Variants in POMT1 observed in about 807,000 individuals in gnomAD.
The protein encoded by POMT1 is protein O-mannosyltransferase 1, also known as protein O-mannosyl-transferase 1.
In POMT1, 85 loss-of-function variants were observed where a neutral mutation model predicts 101.6. The observed-to-expected ratio is 0.84, with a 90% confidence interval of 0.70 to 1.00. The LOEUF is 1.00. Among genes scored for constraint, POMT1 ranks in the 50% least tolerant of loss-of-function variants. POMT1 has a pLI of 0.00. For synonymous variants in POMT1, 371 were observed against 383.0 expected, an observed-to-expected ratio of 0.97 and a Z score of 0.37; for missense variants, 857 against 930.4, an observed-to-expected ratio of 0.92 and a Z score of 1.03.
chr9:131,510,856 G>A (rs980340335), intron 9 of POMT1: 90 of 334,576 alleles, frequency 2.7e-4, no homozygotes, highest in Admixed American at 2.4e-3. Context: ...AGTTTCACCC[G>A]CCTTAAGGAC....
At chr9:131,510,658 C>T in intron 9 of POMT1, 1 of 544,124 alleles carries the variant, frequency 1.8e-6, no homozygotes, top group Non-Finnish European at 3.3e-6. Flanking sequence ...CACCTGCAAC[C>T]ACACCCAGCT....
chr9:131,521,426 G>A lies in POMT1; in HGVS notation c.1779G>A (p.Leu593=). The A allele has an allele frequency of 6.2e-7, 1 of 1,614,146 alleles. No homozygotes were observed. The highest frequency in any genetic ancestry group is 8.5e-7 in the Non-Finnish European group (1 of 1,180,032). Reference sequence around the variant, plus strand: ...TGGCCATCTACGCCCTGCTGTCCTTGTGGTACCTGCTCCGACGGCGAAGAA... The same window carrying A: ...TGGCCATCTACGCCCTGCTGTCCTTATGGTACCTGCTCCGACGGCGAAGAA... The part of the protein sequence containing the change: ...LALAIYALLS[L]WYLLRRRRNV... Residue 593 remains leucine (L), a synonymous_variant, in exon 18 of 20, where the codon TTG becomes TTA. Coordinates refer to ENST00000402686, the MANE Select transcript of POMT1 (RefSeq NM_001077365.2).
rs138902646 is a variant in POMT1 at position 131,523,025 on chromosome 9, C to T, written c.2097C>T (p.Tyr699=). 6.0e-4 allele frequency: 974 copies of T among 1,610,666 alleles called. No homozygotes were observed. Among genetic ancestry groups the T allele is most frequent in the Non-Finnish European group, 7.6e-4 (898 of 1,179,742 alleles). The change falls in exon 20 of 20, where the codon TAC becomes TAT. Residue 699 remains tyrosine (Y), a synonymous_variant. Transcript: ENST00000402686. Reference sequence around the variant, plus strand: ...CCAACACGCTGCGCCCACTCACCTACGGGGACAAGTCACTCTCGCCACATG... The same window carrying T: ...CCAACACGCTGCGCCCACTCACCTATGGGGACAAGTCACTCTCGCCACATG... ...HVSNTLRPLT[Y]GDKSLSPHEL...
chr9:131,510,459 A>G, intron 9 of POMT1, 44 bp downstream of exon 9: 1 of 1,583,080 alleles, frequency 6.3e-7, no homozygotes, highest in Non-Finnish European at 8.7e-7. Context: ...AAGGAAGATG[A>G]TAGTGGACCC....
At position 131,519,070 on chromosome 9, in the gene POMT1, A is replaced by C; in HGVS notation, c.1486+113A>C. ...GGGAAGGGAACTGAGCACATTCTCC[A>C]TGCTCGGTGGCAGGTCATCTCCCTC... On this transcript the variant is annotated intron_variant, in intron 15 of 19. Coordinates refer to ENST00000402686, the MANE Select transcript of POMT1 (RefSeq NM_001077365.2). This position sits in a 1 kb window ranked among gnomAD's most constrained non-coding sequence, Gnocchi z 4.3. 10 of 1,511,776 alleles carry C rather than the reference A, an allele frequency of 6.6e-6. No individual in the cohort carries two copies. Among genetic ancestry groups the C allele is most frequent in the East Asian group, 2.4e-5 (1 of 42,196 alleles). The allele number at this position is 1,511,776 out of a possible 1,614,324, so 93.6% of individuals were successfully genotyped here. A position where few individuals can be genotyped will look rare whatever the true frequency, so the allele number is the denominator to read the frequency against.
At chr9:131,518,070 C>T (rs914203401) in intron 13 of POMT1, 3 of 369,372 alleles carry the variant, frequency 8.1e-6, no homozygotes, top group Non-Finnish European at 1.1e-5. Context: ...GTCTGGCCTT[C>T]ATCTGAGCTG....
Position 131,511,372 on chromosome 9 carries a change from G to A in POMT1, c.891G>A (p.Leu297=), listed in dbSNP as rs76109289. ...GLARITQGQP[L]EVAFGSQVTL... ...CTCGGATCACTCAGGGTCAGCCACT[G>A]GAGGTGGCCTTTGGGTCCCAGGTCA... Residue 297 remains leucine, a synonymous_variant, in exon 10 of 20, where the codon CTG becomes CTA. Coordinates refer to ENST00000402686, the MANE Select transcript of POMT1 (RefSeq NM_001077365.2). 3.7e-3 allele frequency: 6,043 copies of A among 1,613,924 alleles called. 250 individuals are homozygous for A. In the Admixed American group the frequency reaches 0.076, roughly 20 times the overall value.
chr9:131,514,138 C>G (rs1326563450), intron 12 of POMT1, among the ~76,000 whole-genome samples: 1 of 152,206 alleles, frequency 6.6e-6, no homozygotes, highest in African/African-American at 2.4e-5. Flanking sequence ...AGAACCAGCC[C>G]TGGGTAGGGG....
intron 14 of POMT1, 123 bp from the exon 15 acceptor site, chr9:131,518,714 G>C: frequency 2.0e-6 from 3 of 1,529,336 alleles, no homozygotes; most frequent in Non-Finnish European, 2.7e-6. Flanking sequence ...ATCCCAATGT[G>C]AATCTCCCAC....
intron 12 of POMT1, among the ~76,000 whole-genome samples, chr9:131,513,632 AC>A (rs1947624101): frequency 6.6e-6 from 1 of 152,066 alleles, no homozygotes; most frequent in Admixed American, 6.5e-5. Flanking sequence ...GGGAATGTTG[AC>A]CCGCTTTCTA....
intron 13 of POMT1, among the ~76,000 whole-genome samples, chr9:131,517,128 C>T (rs147007703): frequency 6.6e-4 from 100 of 152,352 alleles, no homozygotes; most frequent in African/African-American, 2.2e-3. Flanking sequence ...TTCCCACTGG[C>T]TTCAGCGCTT....
intron 5 of POMT1, 82 bp from the exon 6 acceptor site, chr9:131,508,829 G>A: frequency 2.1e-6 from 2 of 958,072 alleles, no homozygotes; most frequent in Admixed American, 3.6e-5. Context: ...CTGAAGTAAT[G>A]CCTTTTTTCA....
rs749842555 is a variant in POMT1 at position 131,509,035 on chromosome 9, G to T, written c.539+13G>T. 1 of 1,558,934 alleles carries T rather than the reference G, an allele frequency of 6.4e-7. No homozygotes were observed. Among genetic ancestry groups the T allele is most frequent in the Non-Finnish European group, 8.8e-7 (1 of 1,130,482 alleles). On this transcript the variant is annotated intron_variant, in intron 6 of 19. Coordinates refer to ENST00000402686, the MANE Select transcript of POMT1 (RefSeq NM_001077365.2). ...GCCAAAAGCACAGGTATGGAAAATG[G>T]AGTGTCTTCCTAGTTAACGAGAACA... is the stretch of plus-strand genomic sequence containing the variant.
intron 17 of POMT1, among the ~76,000 whole-genome samples, chr9:131,520,566 A>G (rs1310188573): frequency 6.6e-6 from 1 of 152,202 alleles, no homozygotes; most frequent in Non-Finnish European, 1.5e-5. Context: ...AAGCATTGGT[A>G]GGCCGGGCGC....
Position 131,522,331 on chromosome 9 carries a change from A to C in POMT1, c.2003+107A>C. The C allele has an allele frequency of 6.4e-7, 1 of 1,559,504 alleles. No homozygotes were observed. The highest frequency in any genetic ancestry group is 8.6e-7 in the Non-Finnish European group (1 of 1,157,006). ...CAGCGAACCTCACCCATTTCACGTT[A>C]CACTGACATCCTCCGGGTCCCTCCG... On this transcript the variant is annotated intron_variant, in intron 19 of 19. Coordinates refer to ENST00000402686, the MANE Select transcript of POMT1 (RefSeq NM_001077365.2). The surrounding 1 kb of genome is among the most constrained non-coding windows in gnomAD (Gnocchi z 5.5).
In POMT1 at chr9:131,523,591, CCA is replaced by C; in HGVS notation, c.*487_*488del. 4.6e-6 allele frequency: 1 copy of C among 219,496 alleles called. No homozygotes were observed. 13.6% of individuals were successfully genotyped at this position (219,496 alleles called of 1,614,324 possible). A position where few individuals can be genotyped will look rare whatever the true frequency, so the allele number is the denominator to read the frequency against. On this transcript the variant is annotated 3_prime_UTR_variant, in exon 20 of 20. Transcript: ENST00000402686. ...GCTCAGTGTTGGAGGGCCACCTGAA[CCA>C]CGAGCCAGGGCTGGGGCTTGCATGT... is the stretch of plus-strand genomic sequence containing the variant.
intron 16 of POMT1, 36 bp from the exon 17 acceptor site, chr9:131,520,044 C>A (rs201611673): frequency 3.0e-5 from 47 of 1,551,768 alleles, no homozygotes; most frequent in Middle Eastern, 1.7e-4. Context: ...GAGGCATCCC[C>A]CATCCTCAAT....
Position 131,507,283 on chromosome 9 carries a change from C to T in POMT1, c.281-85C>T, listed in dbSNP as rs145670145. ...TGCATTTTAGAGTCTGTGAACATGACGGCGCTATGTGAAAGCATAGCTGCA... is the reference window on the plus strand; with the variant it reads ...TGCATTTTAGAGTCTGTGAACATGATGGCGCTATGTGAAAGCATAGCTGCA... On this transcript the variant is annotated intron_variant, in intron 4 of 19. Coordinates refer to ENST00000402686, the MANE Select transcript of POMT1 (RefSeq NM_001077365.2). 8.5e-4 allele frequency: 1,349 copies of T among 1,589,600 alleles called. 19 individuals carry two copies. The African/African-American group carries it at 0.016, about 18-fold the overall frequency.
rs746849558 is a variant in POMT1, at chr9:131,518,862, G to C, written c.1391G>C (p.Trp464Ser). ...LKLSGAHLPD[W>S]GYRQLEIVGE... ...CTGAGCGGGGCTCACCTCCCTGACT[G>C]GGGGTATCGGCAACTGGAGATCGTC... The change falls in exon 15 of 20, where the codon TGG (tryptophan) becomes TCG (serine). Residue 464 changes from tryptophan (W) to serine (S), a missense_variant. Transcript: ENST00000402686. The C allele has an allele frequency of 2.4e-5, 39 of 1,613,902 alleles. No homozygotes were observed. Among genetic ancestry groups the C allele is most frequent in the Non-Finnish European group, 3.2e-5 (38 of 1,180,034 alleles).
Sources: gnomAD v4.1 joint callset for allele counts (sites outside exome capture counted in the v4.1 genomes callset) on GRCh38, gnomAD v4.1.1 for gene constraint, Gnocchi (gnomAD v3.1) non-coding constraint, MANE v1.5 for transcripts, NCBI Gene and HGNC (gene_info 2026-07-23, HGNC 2026-07-21) for gene names.